Variants in CCDC171 observed in about 807,000 individuals in gnomAD.
CCDC171 encodes the protein coiled-coil domain-containing protein 171.
In CCDC171, 177 loss-of-function variants were observed where a neutral mutation model predicts 168.2. The ratio of observed to expected loss-of-function variants is 1.05; its 90% CI spans 0.93 to 1.19. The LOEUF (loss-of-function observed/expected upper bound fraction) is 1.19, where lower values mean the gene tolerates loss of function less well. Among genes scored for constraint, CCDC171 ranks in the 50% most tolerant of loss-of-function variants. The pLI, the probability that CCDC171 is intolerant of heterozygous loss-of-function variation, is 0.00. For synonymous variants in CCDC171, 687 were observed against 540.8 expected (o/e 1.27, Z -3.75); for missense variants, 1,991 against 1,539.0 (o/e 1.29, Z -4.91).
chr9:15,763,888 CT>C (rs2056584501), intron 18 of CCDC171, among the ~76,000 whole-genome samples: 2 of 151,906 alleles, frequency 1.3e-5, no homozygotes. Flanking sequence ...ATATACATGT[CT>C]TTTGTTGGAT....
chr9:15,858,891 A>G (rs1351884985), intron 23 of CCDC171, among the ~76,000 whole-genome samples: 1 of 152,022 alleles, frequency 6.6e-6, no homozygotes, highest in Non-Finnish European at 1.5e-5. Context: ...TTTCTTGCCA[A>G]ATCACGCTTG....
intron 9 of CCDC171, among the ~76,000 whole-genome samples, chr9:15,668,248 G>T (rs1427076079): frequency 6.6e-6 from 1 of 152,164 alleles, no homozygotes; most frequent in African/African-American, 2.4e-5. Flanking sequence ...TTGAAGAAGA[G>T]AGTCTTATAA....
chr9:15,672,847 TG>T (rs1226643069), intron 9 of CCDC171, among the ~76,000 whole-genome samples: 1 of 152,222 alleles, frequency 6.6e-6, no homozygotes, highest in Non-Finnish European at 1.5e-5. Context: ...GGCTCTTTTT[TG>T]GTTCCATATG....
At chr9:16,029,590 A>C (rs1833334571) in intron 6 of CCDC171, among the ~76,000 whole-genome samples, 1 of 152,212 alleles carries the variant, frequency 6.6e-6, no homozygotes, top group African/African-American at 2.4e-5. Flanking sequence ...GTAGACTCTT[A>C]AAGCCAATAT....
At chr9:15,940,256 G>A (rs965887348) in intron 25 of CCDC171, among the ~76,000 whole-genome samples, 1 of 151,888 alleles carries the variant, frequency 6.6e-6, no homozygotes, top group Non-Finnish European at 1.5e-5. Context: ...ACTTTTCATA[G>A]TAATATACTG....
chr9:15,777,966 C>G (rs2135393676), intron 19 of CCDC171, 140 bp downstream of exon 19: 4 of 597,168 alleles, frequency 6.7e-6, no homozygotes, highest in Non-Finnish European at 1.1e-5. Context: ...TTTTAATACA[C>G]TAAATTACTT....
intron 6 of CCDC171, among the ~76,000 whole-genome samples, chr9:15,603,624 T>C (rs1340141958): frequency 1.3e-5 from 2 of 152,252 alleles, no homozygotes; most frequent in Non-Finnish European, 2.9e-5. Flanking sequence ...GGTGTATATA[T>C]ACCACATTTT....
At chr9:15,965,756 G>T (rs931312443) in intron 25 of CCDC171, among the ~76,000 whole-genome samples, 2 of 152,122 alleles carry the variant, frequency 1.3e-5, no homozygotes, top group African/African-American at 2.4e-5. Flanking sequence ...CCCTATGAGG[G>T]ATTAGTCTGC....
intron 4 of CCDC171, among the ~76,000 whole-genome samples, chr9:15,584,882 A>G (rs932277789): frequency 1.4e-4 from 21 of 152,328 alleles, no homozygotes; most frequent in African/African-American, 4.1e-4. Context: ...TCATTTAACC[A>G]TGAGGAAAGT....
intron 24 of CCDC171, among the ~76,000 whole-genome samples, chr9:15,903,274 C>T (rs555705524): frequency 1.3e-5 from 2 of 152,164 alleles, no homozygotes; most frequent in Non-Finnish European, 2.9e-5. Context: ...AACTGGGAGG[C>T]ACCCCCCTAG....
In CCDC171 at chr9:16,028,765, C is replaced by T. The variant is rs575341620; in HGVS notation, n.998+5857C>T. ...GCATTTGTCCCAAGGCTGTGCTTCC[C>T]GTGGGCTGCTCTCAGTCAGTGACTT... is the stretch of plus-strand genomic sequence containing the variant. On this transcript the variant is annotated intron_variant and non_coding_transcript_variant, in intron 6 of 9. Transcript: ENST00000486641. Among the ~76,000 whole-genome samples the T allele has an allele frequency of 1.7e-4, 26 of 152,266 alleles. No individual in the cohort carries two copies. In the East Asian group the frequency reaches 4.6e-3, roughly 27 times the overall value.
rs756792866 is a variant in CCDC171 at position 15,969,034 on chromosome 9, C to G, written c.3754-2575C>G. Reference sequence around the variant, plus strand: ...GGTACAAGACTTTAAGGAAATCTCTCTGTCTCTCTTTTTCATCTCTGGAGA... The same window carrying G: ...GGTACAAGACTTTAAGGAAATCTCTGTGTCTCTCTTTTTCATCTCTGGAGA... On this transcript the variant is annotated intron_variant, in intron 25 of 25. Coordinates refer to ENST00000380701, the MANE Select transcript of CCDC171 (RefSeq NM_173550.4). Among the ~76,000 whole-genome samples the G allele has an allele frequency of 2.1e-4, 32 of 152,190 alleles. 1 individual carries two copies. The highest frequency in any genetic ancestry group is 7.5e-4 in the African/African-American group (31 of 41,462).
chr9:15,677,763 ATATG>A (rs2049694521), intron 9 of CCDC171, among the ~76,000 whole-genome samples: 1 of 145,726 alleles, frequency 6.9e-6, no homozygotes, highest in Non-Finnish European at 1.5e-5. Flanking sequence ...TTATATACCT[ATATG>A]TGTGTGTGTG....
intron 21 of CCDC171, among the ~76,000 whole-genome samples, chr9:15,810,572 G>A (rs1248938917): frequency 6.6e-6 from 1 of 152,176 alleles, no homozygotes; most frequent in Non-Finnish European, 1.5e-5. Flanking sequence ...GAGGCCCGGC[G>A]ACAATTTGAG....
the CCDC171 span, among the ~76,000 whole-genome samples, chr9:16,084,725 T>C: frequency 3.9e-5 from 6 of 152,154 alleles, no homozygotes; most frequent in African/African-American, 1.4e-4. Context: ...TCAATTCACA[T>C]AGTCACAGAA....
At chr9:15,672,929 T>A (rs1231381034) in intron 9 of CCDC171, among the ~76,000 whole-genome samples, 3 of 152,248 alleles carry the variant, frequency 2.0e-5, no homozygotes, top group Admixed American at 6.5e-5. Context: ...GCATTGAATC[T>A]ATAAATTACC....
chr9:15,873,004 T>C (rs1039625761), intron 23 of CCDC171, among the ~76,000 whole-genome samples: 1 of 152,040 alleles, frequency 6.6e-6, no homozygotes, highest in African/African-American at 2.4e-5. Flanking sequence ...TAAATATACA[T>C]TGTGAATTGA....
intron 11 of CCDC171, among the ~76,000 whole-genome samples, chr9:15,708,710 T>G (rs2052433565): frequency 6.6e-6 from 1 of 152,062 alleles, no homozygotes; most frequent in Non-Finnish European, 1.5e-5. Flanking sequence ...ATACTAGAGA[T>G]AAAATTTTCC....
At chr9:15,819,633 G>A (rs1361073532) in intron 21 of CCDC171, among the ~76,000 whole-genome samples, 1 of 117,502 alleles carries the variant, frequency 8.5e-6, no homozygotes, top group African/African-American at 3.2e-5. Context: ...TCAACAAGAA[G>A]AACTAACTGT....
Sources: allele counts gnomAD v4.1 joint callset (sites outside exome capture counted in the v4.1 genomes callset), GRCh38; gene constraint gnomAD v4.1.1; transcripts MANE v1.5; gene names NCBI Gene and HGNC (gene_info 2026-07-23, HGNC 2026-07-21).